The following LMNB2 variants were observed in gnomAD, a reference collection of about 807,000 sequenced individuals.
The protein encoded by LMNB2 is lamin-B2.
Under a neutral mutation model 69.3 loss-of-function variants are expected in LMNB2, and 17 were observed. The observed-to-expected ratio is 0.25, with a 90% CI of 0.17 to 0.37. The LOEUF (loss-of-function observed/expected upper bound fraction) is 0.37. Among genes scored for constraint, LMNB2 ranks in the 10% least tolerant of loss-of-function variants. LMNB2 has a pLI of 1.00. For synonymous variants in LMNB2, 397 were observed against 389.3 expected (o/e 1.02, Z -0.23); for missense variants, 789 against 883.6 (o/e 0.89, Z 1.36).
chr19:2,451,384 G>A (rs1014639069), intron 1 of LMNB2, among the ~76,000 whole-genome samples: 11 of 152,214 alleles, frequency 7.2e-5, no homozygotes, highest in African/African-American at 2.4e-4. Flanking sequence ...ATGGGCTAAG[G>A]CAGCTTTCAT....
At chr19:2,432,298 C>T (rs1053451839) in intron 9 of LMNB2, 118 bp downstream of exon 9, 24 of 844,244 alleles carry the variant, frequency 2.8e-5, no homozygotes, top group Admixed American at 5.7e-5. Context: ...CGCTCTGAGA[C>T]GGTGCCTGGT....
intron 11 of LMNB2, 64 bp from the exon 12 acceptor site, chr19:2,431,016 A>G: frequency 9.5e-7 from 1 of 1,053,722 alleles, no homozygotes; most frequent in Non-Finnish European, 1.5e-6. Context: ...GCCGGCAGGT[A>G]GATGGCTGCC....
At position 2,445,057 on chromosome 19, in the gene LMNB2, C is replaced by T. The variant is rs117770036; in HGVS notation, c.265-517G>A. Among the ~76,000 whole-genome samples the T allele has an allele frequency of 4.4e-3, 669 of 152,284 alleles. 2 individuals are homozygous for T. The highest frequency in any genetic ancestry group is 8.0e-3 in the Non-Finnish European group (546 of 68,006). ...CCAGAAAACTGGTGGGATGTTTAAT[C>T]AAGGATCTCTCCCGCTGGGCACCAT... On this transcript the variant is annotated intron_variant, in intron 1 of 11. Coordinates refer to ENST00000325327, the MANE Select transcript of LMNB2 (RefSeq NM_032737.4).
intron 2 of LMNB2, among the ~76,000 whole-genome samples, chr19:2,442,791 G>A (rs942955077): frequency 1.3e-5 from 2 of 152,128 alleles, no homozygotes; most frequent in African/African-American, 4.8e-5. Context: ...GCACTGCTCA[G>A]GAGATTGTGA....
chr19:2,438,958 A>G (rs909249326), intron 2 of LMNB2, among the ~76,000 whole-genome samples: 2 of 150,686 alleles, frequency 1.3e-5, no homozygotes, highest in Non-Finnish European at 2.9e-5. Flanking sequence ...TAGCTCCAAC[A>G]TTAGATATTT....
chr19:2,456,200 G>A (rs1972086194), intron 1 of LMNB2, among the ~76,000 whole-genome samples: 2 of 147,538 alleles, frequency 1.4e-5, no homozygotes, highest in Admixed American at 6.7e-5. Flanking sequence ...GTCCCCGTCT[G>A]CATCCCAGCT....
At chr19:2,436,381 AAAAAC>A (rs370520046) in intron 4 of LMNB2, among the ~76,000 whole-genome samples, 49 of 151,684 alleles carry the variant, frequency 3.2e-4, no homozygotes, top group Admixed American at 1.4e-3. Context: ...ACTCCATCTC[AAAAAC>A]AAAACAAAAC....
intron 4 of LMNB2, among the ~76,000 whole-genome samples, chr19:2,436,338 G>A (rs1023966447): frequency 1.2e-4 from 19 of 152,076 alleles, no homozygotes; most frequent in African/African-American, 4.4e-4. Context: ...CAGCTACTCG[G>A]GAGGCTGGGC....
intron 1 of LMNB2, among the ~76,000 whole-genome samples, chr19:2,450,444 TTTGG>T (rs1972009660): frequency 7.7e-6 from 1 of 130,532 alleles, no homozygotes; most frequent in African/African-American, 3.1e-5. Flanking sequence ...GTCCTACAAC[TTTGG>T]GAGGCTGAGG....
chr19:2,449,637 T>TGTG (rs1971997375), intron 1 of LMNB2, among the ~76,000 whole-genome samples: 1 of 147,766 alleles, frequency 6.8e-6, no homozygotes, highest in South Asian at 2.2e-4. Flanking sequence ...ATTAGCTGGG[T>TGTG]GTGGTGGTAG....
intron 2 of LMNB2, among the ~76,000 whole-genome samples, chr19:2,441,308 A>G (rs1971898145): frequency 6.6e-6 from 1 of 152,244 alleles, no homozygotes; most frequent in Non-Finnish European, 1.5e-5. Flanking sequence ...GACCTGGTGT[A>G]GCCAGGGCTC....
chr19:2,445,261 C>G (rs1015315241), intron 1 of LMNB2, among the ~76,000 whole-genome samples: 2 of 151,732 alleles, frequency 1.3e-5, no homozygotes, highest in African/African-American at 4.8e-5. Flanking sequence ...AGCCCCCGCT[C>G]CCCCAGACCC....
At chr19:2,448,635 T>G (rs186808387) in intron 1 of LMNB2, among the ~76,000 whole-genome samples, 27 of 152,166 alleles carry the variant, frequency 1.8e-4, no homozygotes, top group Middle Eastern at 3.4e-3. Flanking sequence ...ATTACGAGGT[T>G]AGGAGATCAA....
chr19:2,444,955 A>G (rs1347145979), intron 1 of LMNB2, among the ~76,000 whole-genome samples: 2 of 152,234 alleles, frequency 1.3e-5, no homozygotes, highest in Non-Finnish European at 2.9e-5. Flanking sequence ...ACACCTGGAC[A>G]TGCAGCCCCT....
chr19:2,444,532 G>A lies in LMNB2; in HGVS notation c.273C>T (p.Gly91=), dbSNP rs1163719792. The A allele has an allele frequency of 1.2e-6, 2 of 1,610,228 alleles. No individual in the cohort carries two copies. The highest frequency in any genetic ancestry group is 1.7e-6 in the Non-Finnish European group (2 of 1,180,018). ...KEEVTTREVS[G]IKALYESELA... ...GCTCCGACTCGTACAGCGCCTTGAT[G>A]CCACTCACCTGGGGAGACCCAGGAC... Residue 91 remains glycine (G), a synonymous_variant, in exon 2 of 12, where the codon GGC becomes GGT. Transcript: ENST00000325327.
In LMNB2 at chr19:2,430,568, G is replaced by C; in HGVS notation, c.*343C>G. 1 of 415,932 alleles carries C rather than the reference G, an allele frequency of 2.4e-6. No homozygotes were observed. The highest frequency in any genetic ancestry group is 2.2e-5 in the South Asian group (1 of 46,136). 25.8% of individuals were successfully genotyped at this position (415,932 alleles called of 1,614,324 possible). On this transcript the variant is annotated 3_prime_UTR_variant, in exon 12 of 12. Transcript: ENST00000325327. ...CAGTTTCCGCGCTCCGTCCGCAGCA[G>C]GGCCGTCTCCTGTCCCCTCGCTAGC...
chr19:2,434,961 T>C (rs905158677), intron 5 of LMNB2, 40 bp downstream of exon 5: 2 of 1,583,006 alleles, frequency 1.3e-6, no homozygotes, highest in Non-Finnish European at 1.7e-6. Context: ...GGGGCGGGGT[T>C]CCCACCGGCC....
rs1213104369 is a variant in LMNB2 at position 2,429,778 on chromosome 19, T to A, written c.*1133A>T. The stretch of plus-strand genomic sequence containing the variant: ...CTGTGTACTGACCAATGTAAAAAAA[T>A]AAATATCCATTAAAAAAATAACTTC... On this transcript the variant is annotated 3_prime_UTR_variant, in exon 12 of 12. Coordinates refer to ENST00000325327, the MANE Select transcript of LMNB2 (RefSeq NM_032737.4). The A allele has an allele frequency of 6.6e-6, 1 of 152,046 alleles. No individual in the cohort carries two copies. 9.4% of individuals were successfully genotyped at this position (152,046 alleles called of 1,614,324 possible).
At chr19:2,431,696 G>A (rs777128431) in intron 10 of LMNB2, 38 bp from the exon 11 acceptor site, 16 of 1,613,730 alleles carry the variant, frequency 9.9e-6, no homozygotes, top group East Asian at 6.7e-5. Context: ...TCCCGGGATC[G>A]GGCCCAGAGC....
Sources: allele counts gnomAD v4.1 joint callset (sites outside exome capture counted in the v4.1 genomes callset), GRCh38; gene constraint gnomAD v4.1.1; transcripts MANE v1.5; gene names NCBI Gene and HGNC (gene_info 2026-07-23, HGNC 2026-07-21).